Variants in NAALADL2 observed in about 807,000 individuals in gnomAD.
The protein encoded by NAALADL2 is inactive N-acetylated-alpha-linked acidic dipeptidase-like protein 2.
A neutral mutation model predicts 87.2 loss-of-function variants in NAALADL2; 76 were observed. That is an observed-to-expected ratio of 0.87 (90% CI 0.72 to 1.05). The LOEUF (loss-of-function observed/expected upper bound fraction) is 1.05, where lower values mean the gene tolerates loss of function less well. NAALADL2 is among the 50% of genes least tolerant of loss of function. The pLI is 0.00. For synonymous variants in NAALADL2, 354 were observed against 331.0 expected, an observed-to-expected ratio of 1.07 and a Z score of -0.75; for missense variants, 1,089 against 945.8, an observed-to-expected ratio of 1.15 and a Z score of -1.99.
chr3:174,691,281 G>A (rs529460105), intron 2 of NAALADL2, among the ~76,000 whole-genome samples: 40 of 151,968 alleles, frequency 2.6e-4, no homozygotes, highest in African/African-American at 8.7e-4. Flanking sequence ...GTGTGATGAC[G>A]TGCACCTGTA....
At chr3:175,073,155 TAC>T (rs200799300) in intron 1 of NAALADL2, among the ~76,000 whole-genome samples, 1,582 of 152,198 alleles carry the variant, frequency 0.01, 26 homozygotes, top group African/African-American at 0.034. Context: ...ATAAATTGAA[TAC>T]CACAATTGCC....
At chr3:175,748,392 G>C (rs140250517) in intron 12 of NAALADL2, among the ~76,000 whole-genome samples, 5 of 152,178 alleles carry the variant, frequency 3.3e-5, no homozygotes, top group Admixed American at 2.6e-4. Flanking sequence ...ATACCACAAG[G>C]TGTTTTTAAG....
At chr3:175,457,131 A>G (rs1334063991) in intron 6 of NAALADL2, among the ~76,000 whole-genome samples, 2 of 151,954 alleles carry the variant, frequency 1.3e-5, no homozygotes, top group African/African-American at 4.8e-5. Flanking sequence ...TGCCATTACT[A>G]TGGATCCAAC....
At chr3:175,295,628 G>A (rs556915705) in intron 4 of NAALADL2, among the ~76,000 whole-genome samples, 3 of 151,336 alleles carry the variant, frequency 2.0e-5, no homozygotes, top group Admixed American at 2.0e-4. Flanking sequence ...ATTCACACAT[G>A]TCTTCTGTGT....
intron 5 of NAALADL2, among the ~76,000 whole-genome samples, chr3:175,421,621 T>C (rs1715710365): frequency 1.3e-5 from 2 of 152,110 alleles, no homozygotes; most frequent in Admixed American, 1.3e-4. Flanking sequence ...AAAATACAGA[T>C]TGCAAGCAAA....
At chr3:174,747,943 A>C (rs1277896950) in intron 3 of NAALADL2, among the ~76,000 whole-genome samples, 2 of 152,204 alleles carry the variant, frequency 1.3e-5, no homozygotes, top group Non-Finnish European at 2.9e-5. Flanking sequence ...TGGATGAAGA[A>C]AATATGGTAT....
chr3:174,623,945 G>A (rs985778338), intron 2 of NAALADL2, among the ~76,000 whole-genome samples: 3 of 152,076 alleles, frequency 2.0e-5, no homozygotes, highest in Non-Finnish European at 4.4e-5. Context: ...GATCGATTTA[G>A]TTGTATATTT....
chr3:175,419,749 T>A (rs371755083), intron 5 of NAALADL2, among the ~76,000 whole-genome samples: 25 of 151,980 alleles, frequency 1.6e-4, no homozygotes, highest in African/African-American at 6.0e-4. Context: ...GTCTGGAATA[T>A]AGAAAAAAAG....
chr3:175,734,173 T>C (rs1744185295), intron 11 of NAALADL2, among the ~76,000 whole-genome samples: 1 of 152,198 alleles, frequency 6.6e-6, no homozygotes, highest in Admixed American at 6.5e-5. Context: ...CCCACATTTC[T>C]TTTTTGCAGA....
At chr3:175,700,428 A>T (rs912949804) in intron 11 of NAALADL2, among the ~76,000 whole-genome samples, 3 of 152,138 alleles carry the variant, frequency 2.0e-5, no homozygotes, top group African/African-American at 7.2e-5. Context: ...TAAAAGACAG[A>T]GGTGTTCTGT....
At chr3:174,654,059 T>TG (rs1724647674) in intron 2 of NAALADL2, among the ~76,000 whole-genome samples, 1 of 132,628 alleles carries the variant, frequency 7.5e-6, no homozygotes, top group African/African-American at 3.4e-5. Flanking sequence ...ATAAGATGGC[T>TG]TTGTGTGTGT....
intron 2 of NAALADL2, among the ~76,000 whole-genome samples, chr3:175,198,267 A>G (rs1304275296): frequency 2.0e-5 from 3 of 152,042 alleles, no homozygotes; most frequent in Admixed American, 2.0e-4. Context: ...TACCTTTTCT[A>G]GTTATAGAAT....
At chr3:175,675,488 T>A (rs983407824) in intron 11 of NAALADL2, 2 of 152,210 alleles carry the variant, frequency 1.3e-5, no homozygotes, top group Admixed American at 6.5e-5. Flanking sequence ...AAAACAGAGA[T>A]AAGATCATTC....
chr3:174,463,488 C>G (rs1716332316), intron 1 of NAALADL2, among the ~76,000 whole-genome samples: 1 of 151,760 alleles, frequency 6.6e-6, no homozygotes, highest in Non-Finnish European at 1.5e-5. Flanking sequence ...TATCAAATTG[C>G]AAGGAAGGAA....
rs535399439 is a variant in NAALADL2, at chr3:174,652,611, G to A, written c.-114-85030G>A. Among the ~76,000 whole-genome samples, 29 of 152,098 alleles carry A rather than the reference G, an allele frequency of 1.9e-4. 1 individual carries two copies. In the East Asian group the frequency reaches 5.2e-3, roughly 27 times the overall value. ...CACGAGAACAGTATGGGAAAAACCC[G>A]CTCCCATGATTCAGTTACCTCCCAC... On this transcript the variant is annotated intron_variant, in intron 2 of 3. Transcript: ENST00000434257.
chr3:175,551,498 CT>C (rs1271140454), intron 9 of NAALADL2, among the ~76,000 whole-genome samples: 5 of 152,176 alleles, frequency 3.3e-5, no homozygotes, highest in African/African-American at 1.2e-4. Flanking sequence ...GTTGTTAAAT[CT>C]TCCCCTATAC....
At chr3:175,323,655 C>T (rs1760249073) in intron 4 of NAALADL2, among the ~76,000 whole-genome samples, 1 of 137,750 alleles carries the variant, frequency 7.3e-6, no homozygotes, top group Admixed American at 7.2e-5. Flanking sequence ...AGAGAAAAAC[C>T]GGAGGAAAAA....
At chr3:174,547,294 T>C (rs2108482495) in intron 1 of NAALADL2, among the ~76,000 whole-genome samples, 1 of 152,268 alleles carries the variant, frequency 6.6e-6, no homozygotes, top group South Asian at 2.1e-4. Context: ...GACAAGTAGA[T>C]TTTTAAGGGG....
rs536171044 is a variant in NAALADL2, at chr3:175,311,356, T to G, written c.940-12819T>G. On this transcript the variant is annotated intron_variant, in intron 4 of 13. Coordinates refer to ENST00000454872, the MANE Select transcript of NAALADL2 (RefSeq NM_207015.3). ...ATTATTTTCCATTACTTGGAAGCAA[T>G]GTGGCTTACTGGGAGAAAAGTACAG... 2.0e-5 allele frequency among the ~76,000 whole-genome samples: 3 copies of G among 152,170 alleles called. No individual in the cohort carries two copies. The East Asian group carries it at 5.8e-4, about 29-fold the overall frequency.
Sources: allele counts gnomAD v4.1 joint callset (sites outside exome capture counted in the v4.1 genomes callset), GRCh38; gene constraint gnomAD v4.1.1; transcripts MANE v1.5; gene names NCBI Gene and HGNC (gene_info 2026-07-23, HGNC 2026-07-21).